Variants in PCDHA8 observed in about 807,000 individuals in gnomAD.
PCDHA8 encodes protocadherin alpha-8.
A neutral mutation model predicts 61.8 loss-of-function variants in PCDHA8; 53 were observed. The observed-to-expected ratio is 0.86, with a 90% CI of 0.69 to 1.08. The LOEUF is 1.08. Among genes scored for constraint, PCDHA8 ranks in the 50% least tolerant of loss-of-function variants. The probability of loss-of-function intolerance (pLI) is 0.00; values close to 1 mark genes in which losing one functional copy is unlikely to be tolerated. For missense variants in PCDHA8, 1,293 were observed against 1,245.0 expected, an observed-to-expected ratio of 1.04 and a Z score of -0.58; for synonymous variants, 618 against 556.6, an observed-to-expected ratio of 1.11 and a Z score of -1.55.
intron 1 of PCDHA8, chr5:140,967,882 C>T (rs1323816592): frequency 1.2e-6 from 2 of 1,614,108 alleles, no homozygotes. Context: ...ACCTGTATAG[C>T]CCAGTGCCTG....
chr5:140,848,904 CAA>C, intron 1 of PCDHA8: 1 of 1,608,060 alleles, frequency 6.2e-7, no homozygotes. Flanking sequence ...CCCAGCGACA[CAA>C]AAGAATCTGT....
At position 140,869,199 on chromosome 5, in the gene PCDHA8, C is replaced by G. The variant is rs1315511579; in HGVS notation, c.2394+25484C>G. 8 of 1,613,906 alleles carry G rather than the reference C, an allele frequency of 5.0e-6. No individual in the cohort carries two copies. In the African/African-American group the frequency reaches 1.1e-4, roughly 22 times the overall value. On this transcript the variant is annotated intron_variant, in intron 1 of 3. Coordinates refer to ENST00000531613, the MANE Select transcript of PCDHA8 (RefSeq NM_018911.3). The stretch of plus-strand genomic sequence containing the variant: ...GGGAGGTGGGGAGCGGCCAGCTCCA[C>G]TACTCCGTCTCGGAGGAGGCCAAAC...
At chr5:140,889,242 TTC>T (rs1195440878) in intron 1 of PCDHA8, among the ~76,000 whole-genome samples, 1 of 151,892 alleles carries the variant, frequency 6.6e-6, no homozygotes, top group African/African-American at 2.4e-5. Flanking sequence ...CCAGAAAATT[TTC>T]TGTTTCCTGT....
chr5:141,002,681 C>T (rs556518008), intron 3 of PCDHA8, among the ~76,000 whole-genome samples: 32 of 152,154 alleles, frequency 2.1e-4, no homozygotes, highest in Non-Finnish European at 4.0e-4. Context: ...ACCTATACGA[C>T]GTGCAGATTT....
At chr5:140,869,433 G>A in intron 1 of PCDHA8, 2 of 1,614,226 alleles carry the variant, frequency 1.2e-6, no homozygotes, top group Non-Finnish European at 1.7e-6. Context: ...AGGTGATCGT[G>A]GACAGGCCGC....
At chr5:140,846,491 C>T (rs1471835490) in intron 1 of PCDHA8, among the ~76,000 whole-genome samples, 1 of 146,532 alleles carries the variant, frequency 6.8e-6, no homozygotes, top group Non-Finnish European at 1.5e-5. Context: ...TCTCCTTCCT[C>T]AGCCTCCCAA....
At chr5:140,891,708 C>T (rs1422243783) in intron 1 of PCDHA8, among the ~76,000 whole-genome samples, 1 of 152,066 alleles carries the variant, frequency 6.6e-6, no homozygotes, top group Admixed American at 6.6e-5. Context: ...TGAATTTGTA[C>T]CCCCAAATTC....
intron 1 of PCDHA8, among the ~76,000 whole-genome samples, chr5:140,911,977 T>G (rs1554195068): frequency 1.3e-5 from 2 of 152,180 alleles, no homozygotes; most frequent in African/African-American, 4.8e-5. Context: ...TTAACTCACA[T>G]GATCACAAGG....
chr5:140,951,318 G>C (rs2094570791), intron 1 of PCDHA8, among the ~76,000 whole-genome samples: 1 of 152,038 alleles, frequency 6.6e-6, no homozygotes, highest in Non-Finnish European at 1.5e-5. Context: ...TGTTATTCTT[G>C]AGATTCATCA....
intron 3 of PCDHA8, among the ~76,000 whole-genome samples, chr5:140,991,587 C>T (rs1469333893): frequency 1.3e-5 from 2 of 152,208 alleles, no homozygotes; most frequent in African/African-American, 2.4e-5. Flanking sequence ...CTTATTTCTA[C>T]CTGAGCCCTC....
intron 1 of PCDHA8, chr5:140,884,600 C>G: frequency 6.2e-7 from 1 of 1,614,150 alleles, no homozygotes; most frequent in African/African-American, 1.3e-5. Flanking sequence ...CAGCCTTCCT[C>G]CTTGTCTGGG....
chr5:140,884,606 C>T (rs1554181776), intron 1 of PCDHA8: 1 of 1,614,038 alleles, frequency 6.2e-7, no homozygotes, highest in African/African-American at 1.3e-5. Flanking sequence ...TCCTCCTTGT[C>T]TGGGTTCTGC....
intron 1 of PCDHA8, among the ~76,000 whole-genome samples, chr5:140,974,337 T>TA (rs2096623719): frequency 6.6e-6 from 1 of 152,214 alleles, no homozygotes; most frequent in Admixed American, 6.5e-5. Context: ...GCTAGCAGGC[T>TA]ATGCATCCAG....
At position 140,842,039 on chromosome 5, in the gene PCDHA8, C is replaced by A. The variant is rs2150327781; in HGVS notation, c.718C>A (p.Pro240Thr). 2.5e-6 allele frequency: 4 copies of A among 1,613,698 alleles called. No homozygotes were observed. Among genetic ancestry groups the A allele is most frequent in the Admixed American group, 3.3e-5 (2 of 59,972 alleles). The change falls in exon 1 of 4, where the codon CCC becomes ACC. Residue 240 changes from proline to threonine, a missense_variant. By Grantham distance (38) the Pro-to-Thr change is conservative. Coordinates refer to ENST00000531613, the MANE Select transcript of PCDHA8 (RefSeq NM_018911.3). ...AGTGCTGGATGTGAATGATAATGCT[C>A]CCACTTTCGAACAGTCTGAATACGA... is the stretch of plus-strand genomic sequence containing the variant. ...VTVLDVNDNA[P>T]TFEQSEYEVR...
chr5:140,984,754 A>G (rs2097118359), intron 3 of PCDHA8, among the ~76,000 whole-genome samples: 1 of 152,158 alleles, frequency 6.6e-6, no homozygotes, highest in Admixed American at 6.5e-5. Context: ...ATTTGAGTTG[A>G]ATTCTAATCC....
At chr5:141,000,421 AT>A (rs34755515) in intron 3 of PCDHA8, among the ~76,000 whole-genome samples, 491 of 27,806 alleles carry the variant, frequency 0.018, 4 homozygotes, top group South Asian at 0.021. Flanking sequence ...ATATATATAT[AT>A]TTTTTTTTTT....
chr5:140,848,251 T>A, intron 1 of PCDHA8: 1 of 465,844 alleles, frequency 2.1e-6, no homozygotes, highest in East Asian at 3.2e-5. Context: ...GCAGAATAAC[T>A]GTGAAATTTT....
At chr5:140,863,396 G>A (rs782335492) in intron 1 of PCDHA8, 12 of 872,454 alleles carry the variant, frequency 1.4e-5, no homozygotes, top group South Asian at 8.9e-5. Context: ...TGCATGCCGG[G>A]CAAGCCCACG....
At chr5:140,941,222 T>C (rs147673675) in intron 1 of PCDHA8, among the ~76,000 whole-genome samples, 3 of 116,858 alleles carry the variant, frequency 2.6e-5, no homozygotes, top group African/African-American at 6.4e-5. Flanking sequence ...TTCCTTTCTT[T>C]CTTTCTTTCT....
Sources: gnomAD v4.1 joint callset for allele counts (sites outside exome capture counted in the v4.1 genomes callset) on GRCh38, gnomAD v4.1.1 for gene constraint, MANE v1.5 for transcripts, NCBI Gene and HGNC (gene_info 2026-07-23, HGNC 2026-07-21) for gene names.